The following MYO1B variants were observed in gnomAD, a reference collection of about 807,000 sequenced individuals.
MYO1B encodes unconventional myosin-Ib.
A neutral mutation model predicts 159.7 loss-of-function variants in MYO1B; 72 were observed. That is an observed-to-expected ratio of 0.45 (90% confidence interval 0.37 to 0.55). The LOEUF (loss-of-function observed/expected upper bound fraction) is 0.55. Ranked by LOEUF, MYO1B falls within the 20% of genes least tolerant of loss-of-function variation. MYO1B has a pLI of 0.00. For synonymous variants in MYO1B, 468 were observed against 473.8 expected (o/e 0.99, Z 0.16); for missense variants, 1,062 against 1,364.8 (o/e 0.78, Z 3.50).
intron 30 of MYO1B, among the ~76,000 whole-genome samples, 172 bp from the exon 31 acceptor site, chr2:191,423,665 T>C (rs193159077): frequency 6.6e-6 from 1 of 152,320 alleles, no homozygotes; most frequent in Admixed American, 6.5e-5. Flanking sequence ...TTAAGCATCA[T>C]GTCAGTGCTT....
chr2:191,380,001 G>T (rs1164305394), intron 13 of MYO1B, among the ~76,000 whole-genome samples: 1 of 152,106 alleles, frequency 6.6e-6, no homozygotes, highest in East Asian at 1.9e-4. Flanking sequence ...ATAAATGTTT[G>T]CCTTTTAGTA....
chr2:191,313,547 G>A (rs541501078), intron 3 of MYO1B, among the ~76,000 whole-genome samples: 2 of 152,228 alleles, frequency 1.3e-5, no homozygotes, highest in Non-Finnish European at 2.9e-5. Flanking sequence ...ACCACACCCA[G>A]CTAATTTTTT....
chr2:191,412,420 G>A (rs1697303890), intron 27 of MYO1B, among the ~76,000 whole-genome samples: 1 of 152,170 alleles, frequency 6.6e-6, no homozygotes, highest in Admixed American at 6.5e-5. Flanking sequence ...CAGTTGAATA[G>A]GAACCAAAAA....
intron 7 of MYO1B, among the ~76,000 whole-genome samples, chr2:191,353,338 A>G (rs967883614): frequency 1.3e-5 from 2 of 152,164 alleles, no homozygotes; most frequent in African/African-American, 4.8e-5. Flanking sequence ...GCTTTTGGAA[A>G]CTAGTTTTTA....
chr2:191,413,662 C>A (rs1038606722), intron 27 of MYO1B, among the ~76,000 whole-genome samples: 2 of 152,190 alleles, frequency 1.3e-5, no homozygotes, highest in Admixed American at 1.3e-4. Flanking sequence ...TGTTTGAAGG[C>A]GTTAGTAAAT....
intron 2 of MYO1B, among the ~76,000 whole-genome samples, chr2:191,279,578 G>A (rs1258983749): frequency 2.0e-5 from 3 of 152,146 alleles, no homozygotes; most frequent in Non-Finnish European, 4.4e-5. Flanking sequence ...CACATGCCAT[G>A]TATTCTTCCC....
At chr2:191,283,064 A>G (rs1027032728) in intron 2 of MYO1B, among the ~76,000 whole-genome samples, 5 of 152,230 alleles carry the variant, frequency 3.3e-5, no homozygotes, top group African/African-American at 1.2e-4. Context: ...GGGAAATGTC[A>G]TGTCTAATTT....
intron 3 of MYO1B, among the ~76,000 whole-genome samples, chr2:191,320,194 CT>C (rs1690616027): frequency 6.6e-6 from 1 of 152,146 alleles, no homozygotes; most frequent in African/African-American, 2.4e-5. Context: ...GACCAGATGA[CT>C]TGTCCTCACA....
At chr2:191,267,647 C>A (rs1463651247) in intron 1 of MYO1B, among the ~76,000 whole-genome samples, 3 of 152,224 alleles carry the variant, frequency 2.0e-5, no homozygotes, top group Admixed American at 6.5e-5. Context: ...CTCACTTTCT[C>A]CAATGCTTTA....
intron 3 of MYO1B, among the ~76,000 whole-genome samples, chr2:191,312,164 C>A (rs564440891): frequency 6.6e-6 from 1 of 152,122 alleles, no homozygotes; most frequent in Admixed American, 6.5e-5. Context: ...TTAAAGCCAG[C>A]GCTAATTAAA....
intron 3 of MYO1B, among the ~76,000 whole-genome samples, chr2:191,303,582 A>G (rs527943953): frequency 2.6e-5 from 4 of 152,334 alleles, no homozygotes; most frequent in Admixed American, 6.5e-5. Context: ...TGAACAAAAC[A>G]GATAAAATTC....
chr2:191,390,375 T>C lies in MYO1B; in HGVS notation c.1865T>C (p.Leu622Ser). 1 of 1,614,256 alleles carries C rather than the reference T, an allele frequency of 6.2e-7. No individual in the cohort carries two copies. The highest frequency in any genetic ancestry group is 8.5e-7 in the Non-Finnish European group (1 of 1,180,036). The change falls in exon 18 of 31, where the codon TTG (leucine) becomes TCG (serine). Residue 622 changes from leucine to serine, a missense_variant. Coordinates refer to ENST00000392318, the MANE Select transcript of MYO1B (RefSeq NM_001130158.3). Reference protein sequence around the residue: ...VCHQIRYLGLLENVRVRRAGY... With the variant: ...VCHQIRYLGLSENVRVRRAGY... ...CATCAGATCAGGTACCTGGGGCTTT[T>C]GGAGAACGTCCGAGTGCGGAGGGCA...
chr2:191,348,942 C>T (rs1453235820), intron 6 of MYO1B, among the ~76,000 whole-genome samples: 1 of 152,202 alleles, frequency 6.6e-6, no homozygotes, highest in East Asian at 1.9e-4. Flanking sequence ...GTTGCCAATT[C>T]TTATGCCTAC....
At chr2:191,325,749 A>C (rs1691016458) in intron 3 of MYO1B, among the ~76,000 whole-genome samples, 2 of 152,168 alleles carry the variant, frequency 1.3e-5, no homozygotes, top group African/African-American at 4.8e-5. Context: ...AACCACTCTG[A>C]CGAACACTCT....
chr2:191,327,380 A>G (rs1457666744), intron 3 of MYO1B, among the ~76,000 whole-genome samples: 4 of 152,206 alleles, frequency 2.6e-5, no homozygotes, highest in Non-Finnish European at 5.9e-5. Context: ...TAATTATAAC[A>G]CACAAAGATT....
chr2:191,256,548 G>T (rs966818322), intron 1 of MYO1B, among the ~76,000 whole-genome samples: 1 of 152,180 alleles, frequency 6.6e-6, no homozygotes, highest in South Asian at 2.1e-4. Context: ...TCATACGAGG[G>T]ACCCCTTTGG....
chr2:191,397,203 T>A (rs1696166456), intron 21 of MYO1B, among the ~76,000 whole-genome samples: 1 of 148,170 alleles, frequency 6.7e-6, no homozygotes, highest in Non-Finnish European at 1.5e-5. Context: ...TTTTATTTAT[T>A]TTTTTTTAAT....
intron 7 of MYO1B, among the ~76,000 whole-genome samples, chr2:191,355,083 G>GTCCTCTC (rs2125994216): frequency 6.6e-6 from 1 of 152,342 alleles, no homozygotes; most frequent in Admixed American, 6.5e-5. Flanking sequence ...ATTGGAGTTT[G>GTCCTCTC]TCCTCTCTTG....
intron 11 of MYO1B, among the ~76,000 whole-genome samples, chr2:191,367,321 A>G (rs1376360501): frequency 1.3e-5 from 2 of 152,182 alleles, no homozygotes; most frequent in Admixed American, 1.3e-4. Flanking sequence ...TCCTAGGGCC[A>G]GGTAAAGCTC....
Sources: gnomAD v4.1 joint callset for allele counts (sites outside exome capture counted in the v4.1 genomes callset) on GRCh38, gnomAD v4.1.1 for gene constraint, MANE v1.5 for transcripts, NCBI Gene and HGNC (gene_info 2026-07-23, HGNC 2026-07-21) for gene names.